CCPG1: variants seen among roughly 807,000 people sequenced by gnomAD.
The protein encoded by CCPG1 is cell cycle progression protein 1.
CCPG1 carries 46 observed loss-of-function variants against 81.3 expected under a neutral mutation model. The observed-to-expected ratio is 0.57, with a 90% CI of 0.45 to 0.72. CCPG1 has a LOEUF of 0.72. Among genes scored for constraint, CCPG1 ranks in the 30% least tolerant of loss-of-function variants. The pLI, the probability that CCPG1 is intolerant of heterozygous loss-of-function variation, is 0.00. For missense variants in CCPG1, 902 were observed against 937.6 expected (o/e 0.96, Z 0.50); for synonymous variants, 330 against 305.2 (o/e 1.08, Z -0.85).
At chr15:55,383,088 T>C (rs1360738459) in intron 3 of CCPG1, among the ~76,000 whole-genome samples, 1 of 152,224 alleles carries the variant, frequency 6.6e-6, no homozygotes, top group African/African-American at 2.4e-5. Flanking sequence ...AAAATGTATT[T>C]ATTAAATAAT....
chr15:55,408,039 G>T (rs2057272065), intron 1 of CCPG1, 182 bp downstream of exon 1: 1 of 152,350 alleles, frequency 6.6e-6, no homozygotes, highest in Admixed American at 6.5e-5. Context: ...GTGCACTCGC[G>T]CACGGCCCGA....
intron 4 of CCPG1, 127 bp from the exon 5 acceptor site, chr15:55,377,277 TTAG>T (rs2056586578): frequency 1.5e-6 from 1 of 679,270 alleles, no homozygotes; most frequent in Admixed American, 2.9e-5. Flanking sequence ...ATTCCTACTA[TTAG>T]TAAAGAATTA....
At chr15:55,368,268 T>C (rs1237177689) in intron 6 of CCPG1, among the ~76,000 whole-genome samples, 1 of 152,186 alleles carries the variant, frequency 6.6e-6, no homozygotes, top group Non-Finnish European at 1.5e-5. Context: ...CACTCTGCTG[T>C]AGTCCAAGCA....
At chr15:55,369,534 CAAAA>C (rs765401273) in intron 6 of CCPG1, among the ~76,000 whole-genome samples, 1 of 129,732 alleles carries the variant, frequency 7.7e-6, no homozygotes, top group Non-Finnish European at 1.7e-5. Context: ...AACTCTGTCT[CAAAA>C]AAAAAAAAAA....
At chr15:55,367,439 T>C (rs1217647930) in intron 6 of CCPG1, among the ~76,000 whole-genome samples, 2 of 152,172 alleles carry the variant, frequency 1.3e-5, no homozygotes, top group African/African-American at 4.8e-5. Flanking sequence ...TAAAGTCTTA[T>C]CCTCAAGATA....
intron 1 of CCPG1, chr15:55,407,910 G>A (rs970521268): frequency 6.5e-6 from 1 of 152,898 alleles, no homozygotes; most frequent in Non-Finnish European, 1.5e-5. Context: ...AAGGAAGAAG[G>A]GTGGCCCAGG....
At chr15:55,403,241 C>T (rs2057159435) in intron 1 of CCPG1, among the ~76,000 whole-genome samples, 1 of 152,042 alleles carries the variant, frequency 6.6e-6, no homozygotes, top group African/African-American at 2.4e-5. Context: ...TTACAAATTC[C>T]AAATGAAAAC....
intron 8 of CCPG1, 138 bp downstream of exon 8, chr15:55,359,401 T>C (rs2056145199): frequency 7.0e-7 from 1 of 1,430,006 alleles, no homozygotes; most frequent in Non-Finnish European, 9.1e-7. Flanking sequence ...TTTCAATTTA[T>C]TCTGAATTCT....
intron 5 of CCPG1, among the ~76,000 whole-genome samples, chr15:55,374,790 G>C (rs1367058625): frequency 1.3e-5 from 2 of 151,952 alleles, no homozygotes; most frequent in East Asian, 3.9e-4. Context: ...GCTACCACAG[G>C]CAGCTAATCC....
Position 55,362,327 on chromosome 15 carries a change from GA to G in CCPG1, c.829-1384del, listed in dbSNP as rs372122496. ...GTCAATTACCTGGATTCAGAAATAA[GA>G]AAAAAAAAAAAGGAAAAAAAAATAC... On this transcript the variant is annotated intron_variant, in intron 7 of 8. Coordinates refer to ENST00000442196, the MANE Select transcript of CCPG1 (RefSeq NM_001204450.2). 6.6e-3 allele frequency among the ~76,000 whole-genome samples: 674 copies of G among 102,820 alleles called. 3 individuals carry two copies. The highest frequency in any genetic ancestry group is 9.2e-3 in the Non-Finnish European group (400 of 43,398). 67.5% of individuals were successfully genotyped at this position (102,820 alleles called of 152,430 possible).
rs1316803103 is a variant in CCPG1 at position 55,360,512 on chromosome 15, T to C, written c.1261A>G (p.Lys421Glu). The C allele has an allele frequency of 3.1e-6, 5 of 1,614,064 alleles. No individual in the cohort carries two copies. The highest frequency in any genetic ancestry group is 4.5e-5 in the East Asian group (2 of 44,894). The change falls in exon 8 of 9, where the codon AAA becomes GAA. Residue 421 changes from lysine (K) to glutamate (E), a missense_variant. Physicochemically the swap from Lys to Glu is moderately conservative, Grantham distance 56. Coordinates refer to ENST00000442196, the MANE Select transcript of CCPG1 (RefSeq NM_001204450.2). ...KSDSPNVYTE[K>E]KEIAILRERL... ...TCCCGTAAGATTGCTATTTCCTTTT[T>C]TTCAGTATATACATTGGGAGAATCT...
In CCPG1 at chr15:55,360,001, T is replaced by C. The variant is rs1289952890; in HGVS notation, c.1772A>G (p.Asp591Gly). ...GTGAACTGGCTTTTCTTTCCTTCCA[T>C]CATTTTGCATAGTAGGGCCTCTATT... ...HHNRGPTMQN[D>G]GRKEKPVHFK... Residue 591 changes from aspartate (D) to glycine (G), a missense_variant, in exon 8 of 9, where the codon GAT (aspartate) becomes GGT (glycine). Physicochemically the swap from Asp to Gly is moderately conservative, Grantham distance 94. Transcript: ENST00000442196. The C allele has an allele frequency of 3.1e-6, 5 of 1,612,808 alleles. No individual in the cohort carries two copies. Among genetic ancestry groups the C allele is most frequent in the East Asian group, 2.2e-5 (1 of 44,878 alleles).
At chr15:55,405,394 T>C (rs1226556232) in intron 1 of CCPG1, among the ~76,000 whole-genome samples, 5 of 151,996 alleles carry the variant, frequency 3.3e-5, no homozygotes, top group African/African-American at 9.7e-5. Context: ...TGGTGTCACA[T>C]GTCTGTGACA....
chr15:55,393,512 T>C (rs1020574339), intron 1 of CCPG1, among the ~76,000 whole-genome samples: 1 of 152,146 alleles, frequency 6.6e-6, no homozygotes, highest in Non-Finnish European at 1.5e-5. Context: ...GGAAGCAACA[T>C]AATATTCCAT....
At chr15:55,379,175 T>TGTGTGTGTGTGTGA (rs2056628658) in intron 3 of CCPG1, among the ~76,000 whole-genome samples, 1 of 142,960 alleles carries the variant, frequency 7.0e-6, no homozygotes, top group Non-Finnish European at 1.5e-5. Flanking sequence ...TGTGTGTGTG[T>TGTGTGTGTGTGTGA]GTGTGTGTGT....
chr15:55,370,785 G>A (rs2056430451), intron 6 of CCPG1, among the ~76,000 whole-genome samples: 1 of 151,458 alleles, frequency 6.6e-6, no homozygotes, highest in African/African-American at 2.4e-5. Flanking sequence ...GCTGAGGCAG[G>A]AGAATCACTT....
chr15:55,393,786 T>TA (rs1192267344), intron 1 of CCPG1, among the ~76,000 whole-genome samples: 1 of 152,108 alleles, frequency 6.6e-6, no homozygotes, highest in African/African-American at 2.4e-5. Context: ...ATCCTCTCCA[T>TA]AGGGCATACA....
chr15:55,378,515 A>G, intron 3 of CCPG1, 139 bp from the exon 4 acceptor site: 1 of 519,362 alleles, frequency 1.9e-6, no homozygotes, highest in Non-Finnish European at 3.4e-6. Flanking sequence ...GTCACATACA[A>G]TTATAGAAGT....
chr15:55,380,005 C>G (rs768529665), intron 3 of CCPG1, among the ~76,000 whole-genome samples: 7 of 150,458 alleles, frequency 4.7e-5, no homozygotes, highest in Non-Finnish European at 1.0e-4. Flanking sequence ...GAGGCTGAGG[C>G]AGGAGAATTG....
Sources: gnomAD v4.1 joint callset for allele counts (sites outside exome capture counted in the v4.1 genomes callset) on GRCh38, gnomAD v4.1.1 for gene constraint, MANE v1.5 for transcripts, NCBI Gene and HGNC (gene_info 2026-07-23, HGNC 2026-07-21) for gene names.